Variants in RYR1 observed in about 807,000 individuals in gnomAD.
The protein encoded by RYR1 is central core disease of muscle.
Under a neutral mutation model 583.5 loss-of-function variants are expected in RYR1, and 342 were observed. The ratio of observed to expected loss-of-function variants is 0.59; its 90% CI spans 0.54 to 0.64. RYR1 has a LOEUF of 0.64. Ranked by LOEUF, RYR1 falls within the 30% of genes least tolerant of loss-of-function variation. The pLI is 0.00. For synonymous variants in RYR1, 2,791 were observed against 2,822.5 expected (o/e 0.99, Z 0.35); for missense variants, 6,032 against 6,917.2 (o/e 0.87, Z 4.54).
rs1212880207 is a variant in RYR1, at chr19:38,544,982, TG to T, written c.12012+1110del. On this transcript the variant is annotated intron_variant, in intron 87 of 105. Coordinates refer to ENST00000359596, the MANE Select transcript of RYR1 (RefSeq NM_000540.3). ...TGCATTTGCAAGCAGGCTGTCTCCC[TG>T]GGCTGGAAAAAATGGTGCCTCAGGC... 2.0e-5 allele frequency among the ~76,000 whole-genome samples: 3 copies of T among 152,170 alleles called. No homozygotes were observed. The East Asian group carries it at 5.8e-4, about 29-fold the overall frequency.
At chr19:38,566,434 G>T (rs542096625) in intron 91 of RYR1, among the ~76,000 whole-genome samples, 2 of 121,388 alleles carry the variant, frequency 1.6e-5, no homozygotes, top group South Asian at 6.2e-4. Context: ...GGGCGACAGA[G>T]CGAGACTCTG....
chr19:38,543,732 G>A lies in RYR1; in HGVS notation c.11908-39G>A. On this transcript the variant is annotated intron_variant, in intron 86 of 105. Coordinates refer to ENST00000359596, the MANE Select transcript of RYR1 (RefSeq NM_000540.3). This position sits in a 1 kb window ranked among gnomAD's most constrained non-coding sequence, Gnocchi z 4.4. ...CATCGTGATCCCTGATCCCTTCTCG[G>A]GGATTCCCTTCCCCCCCACACGGCA... 2 of 1,611,402 alleles carry A rather than the reference G, an allele frequency of 1.2e-6. No individual in the cohort carries two copies. Among genetic ancestry groups the A allele is most frequent in the Non-Finnish European group, 1.7e-6 (2 of 1,179,970 alleles).
At chr19:38,440,965 T>G in intron 2 of RYR1, 101 bp downstream of exon 2, 2 of 1,238,164 alleles carry the variant, frequency 1.6e-6, no homozygotes, top group Non-Finnish European at 2.2e-6. Flanking sequence ...AAGGAGGTGC[T>G]GACAGGAGAG....
rs555469338 is a variant in RYR1 at position 38,496,053 on chromosome 19, G to A, written c.6549-162G>A. On this transcript the variant is annotated intron_variant, in intron 39 of 105. Transcript: ENST00000359596. This position sits in a 1 kb window ranked among gnomAD's most constrained non-coding sequence, Gnocchi z 4.8. ...GCTGGGATTACACGCATGAGCCACCGCACCCGGCCAGCTGTAGGAATTGAG... is the reference window on the plus strand; with the variant it reads ...GCTGGGATTACACGCATGAGCCACCACACCCGGCCAGCTGTAGGAATTGAG... 5.3e-5 allele frequency among the ~76,000 whole-genome samples: 8 copies of A among 152,220 alleles called. No homozygotes were observed. Among genetic ancestry groups the A allele is most frequent in the South Asian group, 2.1e-4 (1 of 4,824 alleles).
intron 10 of RYR1, 63 bp downstream of exon 10, chr19:38,448,574 C>T (rs1966911669): frequency 6.2e-7 from 1 of 1,614,110 alleles, no homozygotes; most frequent in Non-Finnish European, 8.5e-7. Context: ...AGCCTGCACT[C>T]TGCAGTCCCT....
Position 38,448,815 on chromosome 19 carries a change from T to C in RYR1, c.1122+2T>C. 1.2e-6 allele frequency: 2 copies of C among 1,613,026 alleles called. No individual in the cohort carries two copies. Among genetic ancestry groups the C allele is most frequent in the Non-Finnish European group, 1.7e-6 (2 of 1,179,798 alleles). On this transcript the variant is annotated splice_donor_variant, in intron 11 of 105. Transcript: ENST00000359596. LOFTEE classifies it high-confidence loss of function. ...CGGCTCGGCGTGCTCAAGAAGAAGG[T>C]GGGTGTAATCCCAGCTACTCAGGAG...
chr19:38,584,811 T>C, intron 101 of RYR1, 132 bp from the exon 102 acceptor site: 2 of 1,015,762 alleles, frequency 2.0e-6, no homozygotes, highest in Non-Finnish European at 3.0e-6. Flanking sequence ...GCCGTATCTG[T>C]GAGCCCTTTG....
intron 84 of RYR1, among the ~76,000 whole-genome samples, chr19:38,539,321 A>C (rs939128430): frequency 1.3e-5 from 2 of 149,618 alleles, no homozygotes; most frequent in Admixed American, 6.7e-5. Flanking sequence ...GCTCGCTGCA[A>C]CCTCTGCCTC....
chr19:38,572,305 T>A lies in RYR1; in HGVS notation c.13998+35T>A, dbSNP rs886038321. 6.4e-6 allele frequency: 10 copies of A among 1,568,150 alleles called. No individual in the cohort carries two copies. The East Asian group carries it at 9.4e-5, about 15-fold the overall frequency. On this transcript the variant is annotated intron_variant, in intron 95 of 105. Transcript: ENST00000359596. ...TGGCCATGGTTCTGGGGCAAGGGCTTATTGGCTGGGTGGGGGTGGGGGCAG... is the reference window on the plus strand; with the variant it reads ...TGGCCATGGTTCTGGGGCAAGGGCTAATTGGCTGGGTGGGGGTGGGGGCAG...
chr19:38,543,354 G>A lies in RYR1; in HGVS notation c.11697G>A (p.Gln3899=). The A allele has an allele frequency of 1.9e-6, 3 of 1,614,198 alleles. No homozygotes were observed. The highest frequency in any genetic ancestry group is 2.5e-6 in the Non-Finnish European group (3 of 1,180,026). Residue 3899 remains glutamine, a synonymous_variant, in exon 85 of 106, where the codon CAG becomes CAA. Coordinates refer to ENST00000359596, the MANE Select transcript of RYR1 (RefSeq NM_000540.3). This position sits in a 1 kb window ranked among gnomAD's most constrained non-coding sequence, Gnocchi z 4.4. The part of the protein sequence containing the change: ...LLCEGHNNDF[Q]NYLRTQTGNT... ...GACTTTTCATCTCCCCAGATTTCCA[G>A]AACTACCTACGGACACAGACAGGGA... is the stretch of plus-strand genomic sequence containing the variant.
At chr19:38,436,411 A>T (rs868216903) in intron 1 of RYR1, among the ~76,000 whole-genome samples, 1 of 150,592 alleles carries the variant, frequency 6.6e-6, no homozygotes, top group African/African-American at 2.5e-5. Flanking sequence ...GTCTCACTAT[A>T]TTGCCCAGGC....
In RYR1 at chr19:38,536,078, C is replaced by T. The variant is rs1256426168; in HGVS notation, c.11590+8C>T. 1.2e-6 allele frequency: 2 copies of T among 1,610,088 alleles called. No homozygotes were observed. The highest frequency in any genetic ancestry group is 1.7e-6 in the Non-Finnish European group (2 of 1,179,374). The stretch of plus-strand genomic sequence containing the variant: ...TGAATGAGGATGGCACTGGTGAGGC[C>T]CTCCCTTGGGCTTCCCACCCCCTGA... On this transcript the variant is annotated splice_region_variant and intron_variant, in intron 82 of 105. Transcript: ENST00000359596.
Position 38,566,986 on chromosome 19 carries a change from G to A in RYR1, c.13513G>A (p.Asp4505Asn), listed in dbSNP as rs150396398. ...ACCAGAGCTGGAGCCGGAGAAAGCC[G>A]AGTGAGTGGCCTTGGGGCTGAGGGG... ...PEPELEPEKADAENGEKEEVP... is the reference protein window; with the variant it reads ...PEPELEPEKANAENGEKEEVP... Residue 4505 changes from aspartate (D) to asparagine (N), a missense_variant and splice_region_variant, in exon 92 of 106, where the codon GAT (aspartate) becomes AAT (asparagine). By Grantham distance (23) the Asp-to-Asn change is conservative (BLOSUM62 1). Around this residue, in one of 11 missense-constraint regions of RYR1, gnomAD observed 753 missense variants for 759.6 expected, o/e 0.99. Transcript: ENST00000359596. The A allele has an allele frequency of 6.9e-6, 11 of 1,591,020 alleles. No homozygotes were observed. Among genetic ancestry groups the A allele is most frequent in the African/African-American group, 2.7e-5 (2 of 74,540 alleles).
intron 96 of RYR1, among the ~76,000 whole-genome samples, chr19:38,574,627 A>G (rs1973874638): frequency 6.6e-6 from 1 of 151,676 alleles, no homozygotes; most frequent in Admixed American, 6.6e-5. Context: ...GCAAGACCCT[A>G]TGTCTGGGGG....
rs1366279952 is a variant in RYR1, at chr19:38,477,873, GC to G, written c.4454+5del. 6.2e-7 allele frequency: 1 copy of G among 1,608,962 alleles called. No homozygotes were observed. Among genetic ancestry groups the G allele is most frequent in the Non-Finnish European group, 8.5e-7 (1 of 1,176,986 alleles). On this transcript the variant is annotated splice_donor_region_variant and intron_variant, in intron 30 of 105. Coordinates refer to ENST00000359596, the MANE Select transcript of RYR1 (RefSeq NM_000540.3). ...GAACAAGGCAACGTCCACAGCAGGT[GC>G]CGGGGCTGGGGGGAGGTGGGAGGTG...
At chr19:38,557,207 C>T (rs1048874368) in intron 89 of RYR1, among the ~76,000 whole-genome samples, 23 of 151,974 alleles carry the variant, frequency 1.5e-4, no homozygotes, top group Admixed American at 2.6e-4. Flanking sequence ...GCATGAGCCA[C>T]GGCGCCCAGC....
chr19:38,477,343 A>G (rs1431396396), intron 29 of RYR1, among the ~76,000 whole-genome samples: 2 of 152,132 alleles, frequency 1.3e-5, no homozygotes, highest in East Asian at 1.9e-4. Context: ...GAGTTTCACC[A>G]TATTGGTCAG....
intron 78 of RYR1, 131 bp from the exon 79 acceptor site, chr19:38,534,589 G>GA: frequency 1.3e-6 from 1 of 772,652 alleles, no homozygotes; most frequent in Non-Finnish European, 2.3e-6. Flanking sequence ...CCAGGGGATG[G>GA]AGGGAGCTCA....
rs12980578 is a variant in RYR1, at chr19:38,507,385, G to T, written c.8817-327G>T. Among the ~76,000 whole-genome samples, 3,029 of 146,782 alleles carry T rather than the reference G, an allele frequency of 0.021. 37 individuals are homozygous for T. The highest frequency in any genetic ancestry group is 0.035 in the Admixed American group (515 of 14,604). ...GGGAGCACAGGCGGGGCCAGAGAGGGGTGGGGAGGTACAGAGGGGCGGGGA... is the reference window on the plus strand; with the variant it reads ...GGGAGCACAGGCGGGGCCAGAGAGGTGTGGGGAGGTACAGAGGGGCGGGGA... On this transcript the variant is annotated intron_variant, in intron 57 of 105. Coordinates refer to ENST00000359596, the MANE Select transcript of RYR1 (RefSeq NM_000540.3).
Sources: gnomAD v4.1 joint callset for allele counts (sites outside exome capture counted in the v4.1 genomes callset) on GRCh38, gnomAD v4.1.1 for gene constraint, gnomAD v4.1.1 regional missense constraint, Gnocchi (gnomAD v3.1) non-coding constraint, MANE v1.5 for transcripts, NCBI Gene and HGNC (gene_info 2026-07-23, HGNC 2026-07-21) for gene names.